The following SLC6A20 variants were observed in gnomAD, a reference collection of about 807,000 sequenced individuals.
The protein encoded by SLC6A20 is sodium- and chloride-dependent transporter XTRP3.
In SLC6A20, 73 loss-of-function variants were observed where a neutral mutation model predicts 64.3. The ratio of observed to expected loss-of-function variants is 1.14; its 90% CI spans 0.94 to 1.38. SLC6A20 has a LOEUF of 1.38. Ranked by LOEUF, SLC6A20 falls within the 40% of genes most tolerant of loss-of-function variation. The pLI is 0.00. For missense variants in SLC6A20, 725 were observed against 772.8 expected (o/e 0.94, Z 0.73); for synonymous variants, 347 against 329.6 (o/e 1.05, Z -0.57).
chr3:45,782,429 T>C (rs1575435116), intron 1 of SLC6A20, among the ~76,000 whole-genome samples: 2 of 152,054 alleles, frequency 1.3e-5, no homozygotes, highest in African/African-American at 4.8e-5. Context: ...TTGCTGCCAT[T>C]CCTCTCATCT....
chr3:45,776,168 C>T (rs994455923), intron 3 of SLC6A20, among the ~76,000 whole-genome samples, 180 bp from the exon 4 acceptor site: 15 of 151,954 alleles, frequency 9.9e-5, no homozygotes, highest in African/African-American at 2.7e-4. Context: ...TCAGGGGGCA[C>T]GGGTGAGGCA....
chr3:45,774,910 A>G (rs1241495094), intron 4 of SLC6A20, among the ~76,000 whole-genome samples: 1 of 152,162 alleles, frequency 6.6e-6, no homozygotes, highest in Non-Finnish European at 1.5e-5. Flanking sequence ...GGTAACTGGG[A>G]TCATGAAATC....
At chr3:45,795,331 A>AT (rs11287280) in intron 1 of SLC6A20, among the ~76,000 whole-genome samples, 11 of 151,704 alleles carry the variant, frequency 7.3e-5, no homozygotes, top group Non-Finnish European at 1.3e-4. Flanking sequence ...AGAAAATACA[A>AT]TTTTTTTTTT....
Position 45,782,335 on chromosome 3 carries a change from C to A in SLC6A20, c.122-112G>T, listed in dbSNP as rs886713715. ...CCTCCTGTCTTTCTACTTGTCCATG[C>A]ATTCTCCTACCTTTCCATCATCCAT... On this transcript the variant is annotated intron_variant, in intron 1 of 10. Coordinates refer to ENST00000358525, the MANE Select transcript of SLC6A20 (RefSeq NM_020208.4). The A allele has an allele frequency of 2.5e-5, 34 of 1,384,868 alleles. No homozygotes were observed. The South Asian group carries it at 4.9e-4, about 20-fold the overall frequency. The allele number at this position is 1,384,868 out of a possible 1,614,324, so 85.8% of individuals were successfully genotyped here.
intron 7 of SLC6A20, among the ~76,000 whole-genome samples, chr3:45,769,349 G>A (rs1049016023): frequency 6.6e-6 from 1 of 151,638 alleles, no homozygotes; most frequent in Non-Finnish European, 1.5e-5. Context: ...AAATTCCCTA[G>A]ATTTTTTTTT....
At chr3:45,788,127 G>C (rs1700198552) in intron 1 of SLC6A20, among the ~76,000 whole-genome samples, 1 of 151,940 alleles carries the variant, frequency 6.6e-6, no homozygotes, top group South Asian at 2.1e-4. Flanking sequence ...TCAATTTTTT[G>C]TAGAGATGGG....
chr3:45,773,133 A>G (rs550996256), intron 4 of SLC6A20, among the ~76,000 whole-genome samples: 1 of 152,228 alleles, frequency 6.6e-6, no homozygotes, highest in East Asian at 1.9e-4. Context: ...CACAATTAAA[A>G]GGAAAAAAAA....
rs1699545281 is a variant in SLC6A20, at chr3:45,756,476, TTGAAAG to T, written c.*2496_*2501del. 6.6e-6 allele frequency: 1 copy of T among 152,180 alleles called. No individual in the cohort carries two copies. Among genetic ancestry groups the T allele is most frequent in the Admixed American group, 6.5e-5 (1 of 15,278 alleles). The allele number at this position is 152,180 out of a possible 1,614,324, so 9.4% of individuals were successfully genotyped here. ...ATGGGGTACATGCTGGTTCATACATTTGAAAGTCAAATGTATGATAACTGGACAATC... is the reference window on the plus strand; with the variant it reads ...ATGGGGTACATGCTGGTTCATACATTTCAAATGTATGATAACTGGACAATC... On this transcript the variant is annotated 3_prime_UTR_variant, in exon 11 of 11. Transcript: ENST00000358525.
intron 3 of SLC6A20, among the ~76,000 whole-genome samples, chr3:45,776,647 C>G (rs1699973411): frequency 6.6e-6 from 1 of 152,122 alleles, no homozygotes; most frequent in Non-Finnish European, 1.5e-5. Context: ...GCTTCCAAAC[C>G]CAATGTACAT....
intron 9 of SLC6A20, 50 bp from the exon 10 acceptor site, chr3:45,760,072 T>C: frequency 1.9e-6 from 3 of 1,565,970 alleles, no homozygotes; most frequent in Non-Finnish European, 2.6e-6. Context: ...GCTGCGGAGG[T>C]CAGGGCGTCC....
chr3:45,773,517 C>T (rs754901112), intron 4 of SLC6A20, among the ~76,000 whole-genome samples: 1 of 152,202 alleles, frequency 6.6e-6, no homozygotes, highest in Non-Finnish European at 1.5e-5. Context: ...TGCACGTGTG[C>T]CTATCCAGGA....
chr3:45,785,646 T>TCTCTCTCTCTCTCTCTCTCTCTCTCTC (rs58230332), intron 1 of SLC6A20, among the ~76,000 whole-genome samples: 1 of 144,204 alleles, frequency 6.9e-6, no homozygotes, highest in African/African-American at 2.6e-5. Context: ...TCTCTCTCTC[T>TCTCTCTCTCTCTCTCTCTCTCTCTCTC]TCCCCCTATT....
rs1417406085 is a variant in SLC6A20, at chr3:45,758,509, AAAG to A, written c.*466_*468del. ...AATTGCATATTCACTACAACTCAAAAAAGAAGAGAATTAATTTTGCACCACTGA... is the reference window on the plus strand; with the variant it reads ...AATTGCATATTCACTACAACTCAAAAAAGAGAATTAATTTTGCACCACTGA... On this transcript the variant is annotated 3_prime_UTR_variant, in exon 11 of 11. Coordinates refer to ENST00000358525, the MANE Select transcript of SLC6A20 (RefSeq NM_020208.4). The A allele has an allele frequency of 8.4e-6, 10 of 1,186,966 alleles. No individual in the cohort carries two copies. The highest frequency in any genetic ancestry group is 3.3e-5 in the African/African-American group (2 of 61,448). 73.5% of individuals were successfully genotyped at this position (1,186,966 alleles called of 1,614,324 possible). A position where few individuals can be genotyped will look rare whatever the true frequency, so the allele number is the denominator to read the frequency against.
rs1008009580 is a variant in SLC6A20 at position 45,755,956 on chromosome 3, C to T, written c.*3022G>A. 1 of 152,224 alleles carries T rather than the reference C, an allele frequency of 6.6e-6. No homozygotes were observed. Among genetic ancestry groups the T allele is most frequent in the African/African-American group, 2.4e-5 (1 of 41,434 alleles). The allele number at this position is 152,224 out of a possible 1,614,324, so 9.4% of individuals were successfully genotyped here. On this transcript the variant is annotated 3_prime_UTR_variant, in exon 11 of 11. Coordinates refer to ENST00000358525, the MANE Select transcript of SLC6A20 (RefSeq NM_020208.4). Reference sequence around the variant, plus strand: ...TAAGTCATTTTATAAAATGTAAATACTCCTCAATGTACCACCCATGTTCTT... The same window carrying T: ...TAAGTCATTTTATAAAATGTAAATATTCCTCAATGTACCACCCATGTTCTT...
At chr3:45,760,773 A>G (rs566602796) in intron 9 of SLC6A20, among the ~76,000 whole-genome samples, 5 of 152,362 alleles carry the variant, frequency 3.3e-5, no homozygotes, top group African/African-American at 1.2e-4. Flanking sequence ...CAGTATAAAA[A>G]GTATCTTTGG....
chr3:45,758,361 G>C lies in SLC6A20; in HGVS notation c.*617C>G. On this transcript the variant is annotated 3_prime_UTR_variant, in exon 11 of 11. Coordinates refer to ENST00000358525, the MANE Select transcript of SLC6A20 (RefSeq NM_020208.4). ...AGTTGGGGCAATTTTTTGTAGAGAG[G>C]TCTGGTCCTGGACCCACCGTCAGAG... The C allele has an allele frequency of 4.2e-6, 5 of 1,201,550 alleles. No homozygotes were observed. The South Asian group carries it at 6.5e-5, about 16-fold the overall frequency. 74.4% of individuals were successfully genotyped at this position (1,201,550 alleles called of 1,614,324 possible).
intron 9 of SLC6A20, among the ~76,000 whole-genome samples, chr3:45,762,328 C>T (rs1211027823): frequency 6.6e-6 from 1 of 152,236 alleles, no homozygotes; most frequent in African/African-American, 2.4e-5. Context: ...CTGATCAGAA[C>T]CCTGGGGGTG....
chr3:45,779,097 C>T (rs952984404), intron 3 of SLC6A20, among the ~76,000 whole-genome samples: 1 of 152,240 alleles, frequency 6.6e-6, no homozygotes, highest in African/African-American at 2.4e-5. Flanking sequence ...CCCTATCTTG[C>T]TTGCGGACCT....
chr3:45,761,432 T>C (rs1029608008), intron 9 of SLC6A20, among the ~76,000 whole-genome samples: 1 of 152,214 alleles, frequency 6.6e-6, no homozygotes, highest in African/African-American at 2.4e-5. Flanking sequence ...CCCTTTTTGA[T>C]GGACTTGTGC....
Sources: gnomAD v4.1 joint callset for allele counts (sites outside exome capture counted in the v4.1 genomes callset) on GRCh38, gnomAD v4.1.1 for gene constraint, MANE v1.5 for transcripts, NCBI Gene and HGNC (gene_info 2026-07-23, HGNC 2026-07-21) for gene names.